TSPAN9: variants seen among roughly 807,000 people sequenced by gnomAD.
TSPAN9 encodes tetraspanin-9.
Under a neutral mutation model 31.0 loss-of-function variants are expected in TSPAN9, and 16 were observed. That is an observed-to-expected ratio of 0.52 (90% CI 0.35 to 0.78). The LOEUF (loss-of-function observed/expected upper bound fraction) is 0.78, where lower values mean the gene tolerates loss of function less well. Among genes scored for constraint, TSPAN9 ranks in the 30% least tolerant of loss-of-function variants. TSPAN9 has a pLI of 0.01. For synonymous variants in TSPAN9, 145 were observed against 121.6 expected (o/e 1.19, Z -1.27); for missense variants, 272 against 312.5 (o/e 0.87, Z 0.98).
intron 3 of TSPAN9, among the ~76,000 whole-genome samples, chr12:3,203,698 C>G (rs1444460156): frequency 1.3e-5 from 2 of 152,210 alleles, no homozygotes; most frequent in African/African-American, 4.8e-5. Flanking sequence ...AGACCCACTT[C>G]TTGTATGCTA....
rs61154605 is a variant in TSPAN9 at position 3,094,847 on chromosome 12, CTTTTTTTT to C, written c.-18+11143_-18+11150del. The stretch of plus-strand genomic sequence containing the variant: ...AACACGCCCGGCAAAAATCAATAAT[CTTTTTTTT>C]TTTTTTTTTTTTTTGTTTTTAAATT... On this transcript the variant is annotated intron_variant, in intron 2 of 8. Transcript: ENST00000011898. Among the ~76,000 whole-genome samples, 943 of 101,938 alleles carry C rather than the reference CTTTTTTTT, an allele frequency of 9.3e-3. 6 individuals are homozygous for C. Among genetic ancestry groups the C allele is most frequent in the African/African-American group, 0.035 (824 of 23,854 alleles). The allele number at this position is 101,938 out of a possible 152,430, so 66.9% of individuals were successfully genotyped here.
rs958570584 is a variant in TSPAN9 at position 3,192,744 on chromosome 12, T to C, written c.-17-8433T>C. On this transcript the variant is annotated intron_variant, in intron 2 of 8. Coordinates refer to ENST00000011898, the MANE Select transcript of TSPAN9 (RefSeq NM_006675.5). The surrounding 1 kb of genome is among the most constrained non-coding windows in gnomAD (Gnocchi z 4.6). ...CCCTGGAACGGAGGAGATGGTCATA[T>C]AGAGGAAAGTTGGGCAGAAGAGAAG... Among the ~76,000 whole-genome samples, 5 of 152,048 alleles carry C rather than the reference T, an allele frequency of 3.3e-5. No homozygotes were observed. Among genetic ancestry groups the C allele is most frequent in the African/African-American group, 1.2e-4 (5 of 41,376 alleles).
intron 2 of TSPAN9, among the ~76,000 whole-genome samples, chr12:3,174,621 C>T (rs1016671336): frequency 8.5e-5 from 13 of 152,196 alleles, no homozygotes; most frequent in South Asian, 4.1e-4. Flanking sequence ...CTCACTCTGT[C>T]GCCCAGGCTG....
chr12:3,168,839 C>T lies in TSPAN9; in HGVS notation c.-17-32338C>T, dbSNP rs1266078773. ...AATGAATGAATCAGATGCGCTGCCT[C>T]GATGGCCCCGCCTCCCTCCCGGCCA... On this transcript the variant is annotated intron_variant, in intron 2 of 8. Transcript: ENST00000011898. This position sits in a 1 kb window ranked among gnomAD's most constrained non-coding sequence, Gnocchi z 4.0. Among the ~76,000 whole-genome samples the T allele has an allele frequency of 2.0e-5, 3 of 152,176 alleles. No individual in the cohort carries two copies. Among genetic ancestry groups the T allele is most frequent in the Admixed American group, 6.5e-5 (1 of 15,280 alleles).
chr12:3,250,761 C>A (rs1353743982), intron 3 of TSPAN9, among the ~76,000 whole-genome samples: 1 of 152,230 alleles, frequency 6.6e-6, no homozygotes, highest in South Asian at 2.1e-4. Flanking sequence ...GGTCCTGTGA[C>A]GGAGCGCCAG....
At chr12:3,186,960 A>G (rs1230409438) in intron 2 of TSPAN9, among the ~76,000 whole-genome samples, 1 of 152,190 alleles carries the variant, frequency 6.6e-6, no homozygotes, top group Admixed American at 6.5e-5. Flanking sequence ...CCTATTAGAA[A>G]GTAATTAGAA....
chr12:3,153,328 C>T (rs2098340746), intron 2 of TSPAN9, among the ~76,000 whole-genome samples: 1 of 152,170 alleles, frequency 6.6e-6, no homozygotes, highest in Non-Finnish European at 1.5e-5. Context: ...GTATAAAATA[C>T]CTGACAAACC....
chr12:3,083,381 A>G (rs2098298845), intron 1 of TSPAN9, among the ~76,000 whole-genome samples: 1 of 152,170 alleles, frequency 6.6e-6, no homozygotes, highest in African/African-American at 2.4e-5. Flanking sequence ...TACTTCTGTA[A>G]CTGCCCGTGG....
rs1862834976 is a variant in TSPAN9, at chr12:3,278,522, C to T, written c.165C>T (p.Asn55=). 1.2e-6 allele frequency: 2 copies of T among 1,614,094 alleles called. No homozygotes were observed. The highest frequency in any genetic ancestry group is 1.1e-5 in the South Asian group (1 of 91,088). ...GCTTCCCTTCGTTGTCTGCAGCCAA[C>T]CTGGTCATTGCCATAGGCACCATTG... The part of the protein sequence containing the change: ...SPSFPSLSAA[N]LVIAIGTIVM... The change falls in exon 4 of 9, where the codon AAC becomes AAT. Residue 55 remains asparagine (N), a synonymous_variant. Transcript: ENST00000011898.
At chr12:3,244,104 T>C (rs909826604) in intron 3 of TSPAN9, among the ~76,000 whole-genome samples, 1 of 152,178 alleles carries the variant, frequency 6.6e-6, no homozygotes, top group Non-Finnish European at 1.5e-5. Flanking sequence ...TCCCCCACAG[T>C]GGACTCCAGG....
chr12:3,281,689 G>A (rs372203481), intron 7 of TSPAN9, 45 bp from the exon 8 acceptor site: 32 of 1,585,496 alleles, frequency 2.0e-5, no homozygotes, highest in South Asian at 6.8e-5. Flanking sequence ...TGCAGGGAGC[G>A]CATGCTTGGG....
At chr12:3,133,777 A>G (rs1271332068) in intron 2 of TSPAN9, among the ~76,000 whole-genome samples, 2 of 152,190 alleles carry the variant, frequency 1.3e-5, no homozygotes, top group Non-Finnish European at 1.5e-5. Context: ...GTTTCCAAAG[A>G]AACAGGTCCT....
intron 2 of TSPAN9, among the ~76,000 whole-genome samples, chr12:3,123,485 C>T (rs1175780267): frequency 6.6e-6 from 1 of 152,182 alleles, no homozygotes; most frequent in East Asian, 1.9e-4. Flanking sequence ...GGGTTTGGCA[C>T]AGTCCCCGAA....
intron 3 of TSPAN9, among the ~76,000 whole-genome samples, chr12:3,245,665 G>T (rs1457541068): frequency 1.3e-5 from 2 of 152,196 alleles, no homozygotes; most frequent in Non-Finnish European, 2.9e-5. Flanking sequence ...AAGAGGGGGT[G>T]GTGGAGGCAT....
intron 2 of TSPAN9, among the ~76,000 whole-genome samples, chr12:3,097,507 C>T (rs1306168712): frequency 2.0e-5 from 3 of 152,138 alleles, no homozygotes; most frequent in Non-Finnish European, 2.9e-5. Context: ...GTGCTCACCC[C>T]GGAACCCACA....
Position 3,106,771 on chromosome 12 carries a change from G to GACAAA in TSPAN9, c.-18+23071_-18+23075dup, listed in dbSNP as rs199995207. 9.0e-3 allele frequency among the ~76,000 whole-genome samples: 1,367 copies of GACAAA among 151,992 alleles called. 13 individuals carry two copies. The highest frequency in any genetic ancestry group is 0.023 in the African/African-American group (969 of 41,378). ...GGGCAACAGAGTGAGACCCTGTCTC[G>GACAAA]ACAAAACAAAACAAAACAAAACAGT... On this transcript the variant is annotated intron_variant, in intron 2 of 8. Transcript: ENST00000011898.
chr12:3,123,493 G>A (rs34623502), intron 2 of TSPAN9, among the ~76,000 whole-genome samples: 20,648 of 152,048 alleles, frequency 0.14, 1,698 homozygotes, highest in Middle Eastern at 0.22. Flanking sequence ...CACAGTCCCC[G>A]AAGGTTCTGA....
chr12:3,133,912 T>C (rs1003131060), intron 2 of TSPAN9, among the ~76,000 whole-genome samples: 2 of 152,192 alleles, frequency 1.3e-5, no homozygotes, highest in Non-Finnish European at 2.9e-5. Context: ...TGACACTGGC[T>C]TTGCATCTTT....
At chr12:3,102,798 A>G (rs1250626367) in intron 2 of TSPAN9, among the ~76,000 whole-genome samples, 1 of 152,178 alleles carries the variant, frequency 6.6e-6, no homozygotes. Flanking sequence ...AAATAATAAC[A>G]TGTTGCATAT....
Sources: gnomAD v4.1 joint callset for allele counts (sites outside exome capture counted in the v4.1 genomes callset) on GRCh38, gnomAD v4.1.1 for gene constraint, Gnocchi (gnomAD v3.1) non-coding constraint, MANE v1.5 for transcripts, NCBI Gene and HGNC (gene_info 2026-07-23, HGNC 2026-07-21) for gene names.